HMOX2: variants seen among roughly 807,000 people sequenced by gnomAD.
HMOX2 encodes heme oxygenase 2.
A neutral mutation model predicts 33.7 loss-of-function variants in HMOX2; 30 were observed. The ratio of observed to expected loss-of-function variants is 0.89; its 90% confidence interval spans 0.67 to 1.21. HMOX2 has a LOEUF of 1.21. HMOX2 is among the 50% of genes most tolerant of loss of function. The probability of loss-of-function intolerance (pLI) is 0.00; values close to 1 mark genes in which losing one functional copy is unlikely to be tolerated. For missense variants in HMOX2, 403 were observed against 399.1 expected (o/e 1.01, Z -0.08); for synonymous variants, 155 against 155.0 (o/e 1.00, Z 0.00).
intron 1 of HMOX2, among the ~76,000 whole-genome samples, chr16:4,504,354 A>ATTTTTTTTTTTTTTTTTTTTTTTTTTT: frequency 1.4e-5 from 1 of 72,886 alleles, no homozygotes; most frequent in Non-Finnish European, 2.7e-5. Context: ...GTAACTTTCA[A>ATTTTTTTTTTTTTTTTTTTTTTTTTTT]TTTTTTTTTT....
intron 4 of HMOX2, among the ~76,000 whole-genome samples, chr16:4,509,067 G>A (rs1172784379): frequency 6.6e-6 from 1 of 152,226 alleles, no homozygotes; most frequent in Non-Finnish European, 1.5e-5. Flanking sequence ...TAAAAGGAGA[G>A]TGTAGCCAGG....
chr16:4,484,365 G>C (rs9934267), intron 1 of HMOX2, among the ~76,000 whole-genome samples: 109,282 of 151,950 alleles, frequency 0.72, 39,488 homozygotes, highest in Non-Finnish European at 0.74. Flanking sequence ...GGCCATTTGA[G>C]AAGTATATAT....
In HMOX2 at chr16:4,509,854, A is replaced by T. The variant is rs1220209866; in HGVS notation, c.*98A>T. ...AAACTACCACCTCAGGTGACTTTTT[A>T]AAAAATGCTGGGTTTAAGAAAGGCA... is the stretch of plus-strand genomic sequence containing the variant. On this transcript the variant is annotated 3_prime_UTR_variant, in exon 6 of 6. Coordinates refer to ENST00000570646, the MANE Select transcript of HMOX2 (RefSeq NM_002134.4). The T allele has an allele frequency of 5.7e-6, 8 of 1,392,166 alleles. No individual in the cohort carries two copies. The highest frequency in any genetic ancestry group is 6.8e-6 in the Non-Finnish European group (7 of 1,034,306). The allele number at this position is 1,392,166 out of a possible 1,614,324, so 86.2% of individuals were successfully genotyped here.
Position 4,509,706 on chromosome 16 carries a change from G to T in HMOX2, c.901G>T (p.Ala301Ser), listed in dbSNP as rs772279510. The stretch of plus-strand genomic sequence containing the variant: ...GAAGCCCAGCCTCCAGTTCATCCTG[G>T]CCGCTGGTGTGGCCCTAGCTGCTGG... ...LRKPSLQFIL[A>S]AGVALAAGLL... Residue 301 changes from alanine to serine, a missense_variant, in exon 6 of 6, where the codon GCC becomes TCC. Ala to Ser is a moderately conservative substitution (Grantham distance 99, BLOSUM62 1). Coordinates refer to ENST00000570646, the MANE Select transcript of HMOX2 (RefSeq NM_002134.4). 6.2e-7 allele frequency: 1 copy of T among 1,613,994 alleles called. No individual in the cohort carries two copies. The highest frequency in any genetic ancestry group is 8.5e-7 in the Non-Finnish European group (1 of 1,179,994).
intron 1 of HMOX2, among the ~76,000 whole-genome samples, chr16:4,489,665 C>G (rs1478823302): frequency 3.9e-5 from 6 of 152,184 alleles, no homozygotes; most frequent in African/African-American, 1.4e-4. Context: ...CACCATGTTG[C>G]CCAGGCTGGT....
At chr16:4,481,988 G>A (rs1476685281) in intron 1 of HMOX2, 1 of 152,192 alleles carries the variant, frequency 6.6e-6, no homozygotes, top group Non-Finnish European at 1.5e-5. Flanking sequence ...TGTGGCCTGG[G>A]TGGTCATCTA....
chr16:4,506,615 G>A (rs935257303), intron 2 of HMOX2, among the ~76,000 whole-genome samples: 1 of 152,184 alleles, frequency 6.6e-6, no homozygotes, highest in Admixed American at 6.5e-5. Context: ...TCATTTGGGT[G>A]GTTCCCAACA....
rs553629768 is a variant in HMOX2, at chr16:4,505,414, C to T, written c.-41-70C>T. 1.3e-4 allele frequency: 88 copies of T among 701,766 alleles called. 2 individuals carry two copies. In the East Asian group the frequency reaches 2.4e-3, roughly 19 times the overall value. 43.5% of individuals were successfully genotyped at this position (701,766 alleles called of 1,614,324 possible). A position where few individuals can be genotyped will look rare whatever the true frequency, so the allele number is the denominator to read the frequency against. ...TTGGTTACATTCGCTCTGAGGAAAG[C>T]AGAACCGACAGGTATTTGGGGAAGT... On this transcript the variant is annotated intron_variant, in intron 1 of 5. Coordinates refer to ENST00000570646, the MANE Select transcript of HMOX2 (RefSeq NM_002134.4).
intron 1 of HMOX2, among the ~76,000 whole-genome samples, chr16:4,503,998 CA>C (rs1419911395): frequency 6.6e-6 from 1 of 152,196 alleles, no homozygotes; most frequent in African/African-American, 2.4e-5. Context: ...GAAGATTCCC[CA>C]AATGGGCTGC....
At chr16:4,475,368 T>G (rs1038892118), upstream of HMOX2, among the ~76,000 whole-genome samples, 4 of 141,628 alleles carry the variant, frequency 2.8e-5, no homozygotes, top group Non-Finnish European at 5.9e-5. Flanking sequence ...GCAGTGGTGG[T>G]GCGATCTTGG....
intron 1 of HMOX2, among the ~76,000 whole-genome samples, chr16:4,484,329 A>G (rs760922325): frequency 6.6e-6 from 1 of 152,168 alleles, no homozygotes; most frequent in Non-Finnish European, 1.5e-5. Context: ...GCCTAAAGGT[A>G]GAAGGATCAA....
At chr16:4,489,547 C>G (rs1266291764) in intron 1 of HMOX2, among the ~76,000 whole-genome samples, 4 of 152,164 alleles carry the variant, frequency 2.6e-5, no homozygotes, top group Non-Finnish European at 5.9e-5. Context: ...GCAGCCGCCA[C>G]CCCCAGGGTC....
At chr16:4,507,155 T>C (rs757126947) in intron 3 of HMOX2, 143 bp downstream of exon 3, 1 of 683,728 alleles carries the variant, frequency 1.5e-6, no homozygotes, top group East Asian at 2.5e-5. Flanking sequence ...CGTTAAGCTC[T>C]GGCTCTCGGC....
chr16:4,480,674 CAG>C (rs1357791255), intron 1 of HMOX2, among the ~76,000 whole-genome samples: 6 of 127,716 alleles, frequency 4.7e-5, no homozygotes, highest in African/African-American at 1.2e-4. Flanking sequence ...TTTTTTGAGA[CAG>C]AGTTTCACTC....
At chr16:4,492,775 C>T (rs2058334739) in intron 1 of HMOX2, among the ~76,000 whole-genome samples, 1 of 149,316 alleles carries the variant, frequency 6.7e-6, no homozygotes, top group South Asian at 2.2e-4. Context: ...CAGTGGCTCA[C>T]CTTGTAATTC....
At chr16:4,507,304 G>A (rs2058718434) in intron 3 of HMOX2, among the ~76,000 whole-genome samples, 1 of 152,060 alleles carries the variant, frequency 6.6e-6, no homozygotes, top group Non-Finnish European at 1.5e-5. Flanking sequence ...AATTAGCCGG[G>A]TGTGGTGGCG....
chr16:4,476,313 A>G (rs1289378728), upstream of HMOX2: 1 of 152,258 alleles, frequency 6.6e-6, no homozygotes, highest in Non-Finnish European at 1.5e-5. Context: ...GCCCCCGGCA[A>G]GGGCGTGTCA....
At chr16:4,493,061 C>A (rs1469644930) in intron 1 of HMOX2, among the ~76,000 whole-genome samples, 1 of 152,130 alleles carries the variant, frequency 6.6e-6, no homozygotes, top group Admixed American at 6.6e-5. Context: ...GAGTCTCGCT[C>A]TGTGGCCCAG....
Position 4,509,650 on chromosome 16 carries a change from G to A in HMOX2, c.845G>A (p.Cys282Tyr). 1 of 1,613,904 alleles carries A rather than the reference G, an allele frequency of 6.2e-7. No individual in the cohort carries two copies. Among genetic ancestry groups the A allele is most frequent in the Non-Finnish European group, 8.5e-7 (1 of 1,179,802 alleles). Reference sequence around the variant, plus strand: ...ACAGGTGCCCTGGAGGGCAGCAGCTGTCCCTTCCGAACAGCTATGGCTGTG... The same window carrying A: ...ACAGGTGCCCTGGAGGGCAGCAGCTATCCCTTCCGAACAGCTATGGCTGTG... ...QDKGALEGSSCPFRTAMAVLR... is the reference protein window; with the variant it reads ...QDKGALEGSSYPFRTAMAVLR... Residue 282 changes from cysteine (C) to tyrosine (Y), a missense_variant, in exon 6 of 6, where the codon TGT becomes TAT. Physicochemically the swap from Cys to Tyr is radical, Grantham distance 194. Transcript: ENST00000570646.
Sources: allele counts gnomAD v4.1 joint callset (sites outside exome capture counted in the v4.1 genomes callset), GRCh38; gene constraint gnomAD v4.1.1; transcripts MANE v1.5; gene names NCBI Gene and HGNC (gene_info 2026-07-23, HGNC 2026-07-21).